CNTNAP3: variants seen among roughly 807,000 people sequenced by gnomAD.
CNTNAP3 encodes contactin-associated protein-like 3.
In CNTNAP3, 36 loss-of-function variants were observed where a neutral mutation model predicts 92.1. That is an observed-to-expected ratio of 0.39 (90% CI 0.30 to 0.52). The LOEUF (loss-of-function observed/expected upper bound fraction) is 0.52, where lower values mean the gene tolerates loss of function less well. Ranked by LOEUF, CNTNAP3 falls within the 20% of genes least tolerant of loss-of-function variation. The pLI is 0.76. For synonymous variants in CNTNAP3, 232 were observed against 422.3 expected (o/e 0.55, Z 5.53); for missense variants, 534 against 1,069.6 (o/e 0.50, Z 6.98).
At chr9:39,121,031 A>T (rs540627801) in intron 13 of CNTNAP3, among the ~76,000 whole-genome samples, 2 of 152,162 alleles carry the variant, frequency 1.3e-5, no homozygotes, top group Non-Finnish European at 2.9e-5. Flanking sequence ...GGTAAGTCAC[A>T]TATGTAAACT....
At chr9:39,137,861 TTC>T (rs1214867698) in intron 12 of CNTNAP3, among the ~76,000 whole-genome samples, 12 of 151,978 alleles carry the variant, frequency 7.9e-5, no homozygotes, top group Non-Finnish European at 1.6e-4. Flanking sequence ...TTGAAATTTT[TTC>T]TTTTTCTTTT....
chr9:39,102,852 TG>T, intron 16 of CNTNAP3, 137 bp from the exon 17 acceptor site: 2 of 1,246,504 alleles, frequency 1.6e-6, no homozygotes, highest in Non-Finnish European at 2.3e-6. Context: ...GACTGTGAGT[TG>T]GGGTGGGGGC....
At chr9:39,287,925 A>T in intron 1 of CNTNAP3, 55 bp downstream of exon 1, 1 of 295,956 alleles carries the variant, frequency 3.4e-6, no homozygotes, top group Non-Finnish European at 5.8e-6. Context: ...AAAAAAAAAA[A>T]AACAAAGTTT....
At chr9:39,079,560 C>G (rs1304647308) in intron 21 of CNTNAP3, among the ~76,000 whole-genome samples, 6 of 152,006 alleles carry the variant, frequency 3.9e-5, no homozygotes, top group Non-Finnish European at 8.8e-5. Context: ...ATTGTAAGAG[C>G]ATTTAACTGT....
intron 17 of CNTNAP3, 118 bp from the exon 18 acceptor site, chr9:39,100,268 T>G (rs1826425094): frequency 1.3e-6 from 2 of 1,560,696 alleles, no homozygotes; most frequent in Admixed American, 1.9e-5. Flanking sequence ...GTCAAAAAAT[T>G]TTGTGAACAT....
In CNTNAP3 at chr9:39,068,578, G is replaced by C. The variant is rs894911038; in HGVS notation, c.*5312C>G. Among the ~76,000 whole-genome samples the C allele has an allele frequency of 1.4e-4, 21 of 152,392 alleles. No individual in the cohort carries two copies. The highest frequency in any genetic ancestry group is 1.9e-4 in the Non-Finnish European group (13 of 68,036). On this transcript the variant is annotated 3_prime_UTR_variant, in exon 24 of 24. Transcript: ENST00000297668. ...TGAGTGTTTCTTTCCCTTGCCTCAG[G>C]TAGTTTCATGCACTTTGTTACACAC...
chr9:39,144,201 G>A (rs1821644417), intron 11 of CNTNAP3, 39 bp downstream of exon 11: 2 of 1,534,652 alleles, frequency 1.3e-6, no homozygotes, highest in African/African-American at 1.4e-5. Flanking sequence ...AAATGACAAA[G>A]AGATGCTGAC....
intron 14 of CNTNAP3, among the ~76,000 whole-genome samples, chr9:39,115,316 GAA>G (rs1820830690): frequency 6.6e-6 from 1 of 151,608 alleles, no homozygotes; most frequent in African/African-American, 2.4e-5. Flanking sequence ...CTCAGTAATA[GAA>G]AATAAGTAAT....
intron 15 of CNTNAP3, 130 bp downstream of exon 15, chr9:39,109,030 T>C: frequency 7.1e-7 from 1 of 1,409,208 alleles, no homozygotes; most frequent in Non-Finnish European, 9.4e-7. Flanking sequence ...GTATGTGTGT[T>C]TTCCTGATAT....
At chr9:39,081,171 A>G (rs76319614) in intron 21 of CNTNAP3, among the ~76,000 whole-genome samples, 32,951 of 151,170 alleles carry the variant, frequency 0.22, 4,447 homozygotes, top group East Asian at 0.34. Flanking sequence ...CAATCCAGGA[A>G]GAAACTCGTG....
At chr9:39,136,021 G>A (rs1433269664) in intron 12 of CNTNAP3, among the ~76,000 whole-genome samples, 3 of 151,372 alleles carry the variant, frequency 2.0e-5, no homozygotes, top group Admixed American at 6.6e-5. Flanking sequence ...CCCAGCTACC[G>A]GGGAGGCCGA....
chr9:39,172,919 C>CTTAAAATCCAGATACAGACCAA (rs1173407411), intron 7 of CNTNAP3: 2 of 24,352 alleles, frequency 8.2e-5, no homozygotes, highest in African/African-American at 6.0e-4. Flanking sequence ...CAGAAGGGCT[C>CTTAAAATCCAGATACAGACCAA]TTAAAATCCA....
intron 15 of CNTNAP3, among the ~76,000 whole-genome samples, chr9:39,105,234 T>C (rs975659199): frequency 5.3e-5 from 8 of 152,148 alleles, no homozygotes; most frequent in African/African-American, 1.9e-4. Context: ...CAGACCATCC[T>C]GGCTAACATG....
At chr9:39,126,513 A>C (rs1401062963) in intron 13 of CNTNAP3, among the ~76,000 whole-genome samples, 3 of 152,176 alleles carry the variant, frequency 2.0e-5, no homozygotes, top group African/African-American at 7.2e-5. Context: ...GCAAACAAAT[A>C]TCTCTCTTGA....
chr9:39,120,845 A>G (rs559833019), intron 13 of CNTNAP3, among the ~76,000 whole-genome samples: 1 of 152,308 alleles, frequency 6.6e-6, no homozygotes, highest in African/African-American at 2.4e-5. Context: ...AATATGGATA[A>G]ATGTAATAGA....
Position 39,140,582 on chromosome 9 carries a change from A to G in CNTNAP3, c.1813T>C (p.Tyr605His). ...HKHRGNPSGL[Y>H]YIDADGSGPL... ...CCACTTCCATCTGCATCAATATAGT[A>G]AAGCCCAGACGGGTTCCCTCGGTGC... Residue 605 changes from tyrosine to histidine, a missense_variant, in exon 12 of 24, where the codon TAC (tyrosine) becomes CAC (histidine). By Grantham distance (83) the Tyr-to-His change is moderately conservative. Coordinates refer to ENST00000297668, the MANE Select transcript of CNTNAP3 (RefSeq NM_033655.5). 1 of 1,613,774 alleles carries G rather than the reference A, an allele frequency of 6.2e-7. No individual in the cohort carries two copies. The highest frequency in any genetic ancestry group is 8.5e-7 in the Non-Finnish European group (1 of 1,179,786).
At chr9:39,148,748 A>G (rs1195151158) in intron 10 of CNTNAP3, among the ~76,000 whole-genome samples, 1 of 152,108 alleles carries the variant, frequency 6.6e-6, no homozygotes, top group Non-Finnish European at 1.5e-5. Context: ...GATGGTCTCG[A>G]TCTCCTGACC....
At chr9:39,129,446 A>AT (rs1193987530) in intron 13 of CNTNAP3, among the ~76,000 whole-genome samples, 1 of 151,928 alleles carries the variant, frequency 6.6e-6, no homozygotes. Context: ...AGTGAGAGAG[A>AT]ATCAACTCTC....
In CNTNAP3 at chr9:39,085,568, T is replaced by C. The variant is rs1314652933; in HGVS notation, c.3442+168A>G. On this transcript the variant is annotated intron_variant, in intron 21 of 23. Transcript: ENST00000297668. ...CCTTGCACATCTCACAGGTAGCACT[T>C]AGTCATGATTATATGTACACTCAGG... The C allele has an allele frequency of 1.2e-5, 8 of 670,278 alleles. 1 individual carries two copies. The African/African-American group carries it at 1.3e-4, about 11-fold the overall frequency. The allele number at this position is 670,278 out of a possible 1,614,324, so 41.5% of individuals were successfully genotyped here. A position where few individuals can be genotyped will look rare whatever the true frequency, so the allele number is the denominator to read the frequency against.
Sources: gnomAD v4.1 joint callset for allele counts (sites outside exome capture counted in the v4.1 genomes callset) on GRCh38, gnomAD v4.1.1 for gene constraint, MANE v1.5 for transcripts, NCBI Gene and HGNC (gene_info 2026-07-23, HGNC 2026-07-21) for gene names.